SNED1: variants seen among roughly 807,000 people sequenced by gnomAD.
SNED1 encodes the protein sushi, nidogen and EGF like domains 1, also known as sushi, nidogen and EGF-like domain-containing protein 1.
Under a neutral mutation model 166.7 loss-of-function variants are expected in SNED1, and 81 were observed. That is an observed-to-expected ratio of 0.49 (90% CI 0.41 to 0.58). The LOEUF (loss-of-function observed/expected upper bound fraction) is 0.58. Ranked by LOEUF, SNED1 falls within the 20% of genes least tolerant of loss-of-function variation. SNED1 has a pLI of 0.00. For synonymous variants in SNED1, 762 were observed against 822.0 expected (o/e 0.93, Z 1.25); for missense variants, 1,604 against 2,000.2 (o/e 0.80, Z 3.78).
chr2:241,023,887 C>CTTTTTTTTTTTTTTTTTTTTT (rs2060846825), intron 1 of SNED1, among the ~76,000 whole-genome samples: 1 of 71,646 alleles, frequency 1.4e-5, no homozygotes, highest in Admixed American at 1.5e-4. Flanking sequence ...CTTTTTTTTT[C>CTTTTTTTTTTTTTTTTTTTTT]CTTTTTTTTT....
At chr2:241,087,357 C>G (rs2063636325) in intron 29 of SNED1, 35 bp from the exon 30 acceptor site, 3 of 1,560,490 alleles carry the variant, frequency 1.9e-6, no homozygotes, top group South Asian at 1.2e-5. Context: ...TTTTGCTTCA[C>G]TGTCTGGTTT....
chr2:241,040,142 G>GGT lies in SNED1; in HGVS notation c.1123_1124dup (p.Gln376AlafsTer23). On this transcript the variant is annotated frameshift_variant, in exon 7 of 32. Transcript: ENST00000310397. LOFTEE classifies it high-confidence loss of function. Reference sequence around the variant, plus strand: ...AGTGCCAGGTGGAGAATGGCTCTGCGGTGTGTGTGTGCCAGGCCGGATACA... The same window carrying GGT: ...AGTGCCAGGTGGAGAATGGCTCTGCGGTGTGTGTGTGTGCCAGGCCGGATACA... 3 of 1,598,308 alleles carry GGT rather than the reference G, an allele frequency of 1.9e-6. No homozygotes were observed. The highest frequency in any genetic ancestry group is 1.1e-5 in the South Asian group (1 of 88,548).
intron 6 of SNED1, among the ~76,000 whole-genome samples, chr2:241,038,379 G>C (rs73110162): frequency 1.2e-3 from 181 of 152,342 alleles, no homozygotes; most frequent in African/African-American, 4.0e-3. Flanking sequence ...GAGAGCTATA[G>C]TTGAATGGCA....
At chr2:241,050,008 GCTGT>G in intron 12 of SNED1, 75 bp downstream of exon 12, 2 of 1,062,638 alleles carry the variant, frequency 1.9e-6, no homozygotes, top group South Asian at 1.3e-5. Flanking sequence ...CTGCTTCTCT[GCTGT>G]CTCTCTCCTT....
chr2:241,086,301 A>G (rs1443688310), intron 29 of SNED1, among the ~76,000 whole-genome samples: 2 of 152,202 alleles, frequency 1.3e-5, no homozygotes, highest in Non-Finnish European at 2.9e-5. Context: ...ATTTCCAACC[A>G]CAGGCCCAAG....
In SNED1 at chr2:241,081,807, T is replaced by C; in HGVS notation, c.4033+14T>C. 1 of 1,553,342 alleles carries C rather than the reference T, an allele frequency of 6.4e-7. No homozygotes were observed. Among genetic ancestry groups the C allele is most frequent in the Non-Finnish European group, 8.7e-7 (1 of 1,144,072 alleles). On this transcript the variant is annotated intron_variant, in intron 28 of 31. Transcript: ENST00000310397. Reference sequence around the variant, plus strand: ...GCTGCGAGCTCGGTAAGTCGGGGCTTGGCCTCAGGGCGCCCCTTCCAACAC... The same window carrying C: ...GCTGCGAGCTCGGTAAGTCGGGGCTCGGCCTCAGGGCGCCCCTTCCAACAC...
In SNED1 at chr2:241,034,449, G is replaced by T; in HGVS notation, c.643-119G>T. Reference sequence around the variant, plus strand: ...TGGCTCCCAGGAACGGTTGGCTGAGGTCAGGACCTGGCTGGGAGGTTGCCG... The same window carrying T: ...TGGCTCCCAGGAACGGTTGGCTGAGTTCAGGACCTGGCTGGGAGGTTGCCG... On this transcript the variant is annotated intron_variant, in intron 3 of 31. Transcript: ENST00000310397. 1.0e-5 allele frequency: 10 copies of T among 967,618 alleles called. 1 individual carries two copies. The South Asian group carries it at 1.7e-4, about 17-fold the overall frequency. 59.9% of individuals were successfully genotyped at this position (967,618 alleles called of 1,614,324 possible). A position where few individuals can be genotyped will look rare whatever the true frequency, so the allele number is the denominator to read the frequency against.
rs1374617306 is a variant in SNED1 at position 241,093,293 on chromosome 2, T to C, written c.*1657T>C. 6.6e-6 allele frequency: 1 copy of C among 152,638 alleles called. No individual in the cohort carries two copies. The highest frequency in any genetic ancestry group is 1.5e-5 in the Non-Finnish European group (1 of 68,036). The allele number at this position is 152,638 out of a possible 1,614,324, so 9.5% of individuals were successfully genotyped here. A position where few individuals can be genotyped will look rare whatever the true frequency, so the allele number is the denominator to read the frequency against. On this transcript the variant is annotated 3_prime_UTR_variant, in exon 32 of 32. Coordinates refer to ENST00000310397, the MANE Select transcript of SNED1 (RefSeq NM_001080437.3). Reference sequence around the variant, plus strand: ...GGACTTCCTGCCGCCCTGGGACCTGTCACTGTTTGTCCATGTAAGCTACAG... The same window carrying C: ...GGACTTCCTGCCGCCCTGGGACCTGCCACTGTTTGTCCATGTAAGCTACAG...
chr2:241,082,476 C>A (rs2063376386), intron 29 of SNED1, 112 bp downstream of exon 29: 4 of 742,486 alleles, frequency 5.4e-6, no homozygotes. Flanking sequence ...TGGCTGCAGT[C>A]ACAGAAGGGA....
At chr2:241,037,568 G>T (rs1327556622) in intron 6 of SNED1, among the ~76,000 whole-genome samples, 1 of 152,200 alleles carries the variant, frequency 6.6e-6, no homozygotes, top group African/African-American at 2.4e-5. Context: ...AGTCACACAG[G>T]CTTCCTAGAC....
chr2:241,094,478 A>T lies in SNED1; in HGVS notation c.*2842A>T, dbSNP rs1559331908. ...TAGATTTCAGTGCTGAATCCCCACAATTGCATGCAGCTCACACCTACCAGG... is the reference window on the plus strand; with the variant it reads ...TAGATTTCAGTGCTGAATCCCCACATTTGCATGCAGCTCACACCTACCAGG... On this transcript the variant is annotated 3_prime_UTR_variant, in exon 32 of 32. Coordinates refer to ENST00000310397, the MANE Select transcript of SNED1 (RefSeq NM_001080437.3). The surrounding 1 kb of genome is among the most constrained non-coding windows in gnomAD (Gnocchi z 4.3). 2.2e-6 allele frequency: 1 copy of T among 463,110 alleles called. No individual in the cohort carries two copies. The highest frequency in any genetic ancestry group is 1.6e-5 in the South Asian group (1 of 63,188). The allele number at this position is 463,110 out of a possible 1,614,324, so 28.7% of individuals were successfully genotyped here. A position where few individuals can be genotyped will look rare whatever the true frequency, so the allele number is the denominator to read the frequency against.
chr2:241,070,952 G>A (rs1380462313), intron 24 of SNED1, among the ~76,000 whole-genome samples: 7 of 152,214 alleles, frequency 4.6e-5, no homozygotes, highest in African/African-American at 4.8e-5. Context: ...CTGGGGACAC[G>A]AAGTGCATAA....
intron 1 of SNED1, 121 bp from the exon 2 acceptor site, chr2:241,030,163 C>G: frequency 1.0e-6 from 1 of 953,482 alleles, no homozygotes; most frequent in East Asian, 2.6e-5. Context: ...CCTGGGGATA[C>G]CCTGCCCAGG....
intron 15 of SNED1, 66 bp downstream of exon 15, chr2:241,052,534 G>A (rs2061881098): frequency 8.0e-7 from 1 of 1,242,306 alleles, no homozygotes; most frequent in Non-Finnish European, 1.2e-6. Context: ...GAGATGGCCA[G>A]GGCCCAAGCA....
intron 16 of SNED1, among the ~76,000 whole-genome samples, chr2:241,056,580 A>ATTTTTTTTTTTTTTTTTT (rs1172411061): frequency 9.0e-6 from 1 of 111,224 alleles, no homozygotes; most frequent in African/African-American, 3.9e-5. Context: ...AATAAGTGAA[A>ATTTTTTTTTTTTTTTTTT]TTTTTTTTTT....
chr2:241,011,973 T>C (rs993310914), intron 1 of SNED1, among the ~76,000 whole-genome samples: 9 of 151,880 alleles, frequency 5.9e-5, no homozygotes, highest in African/African-American at 2.2e-4. Flanking sequence ...CTCTCTGGGG[T>C]GGGGAGAGAG....
intron 27 of SNED1, chr2:241,074,158 T>A (rs1210684513): frequency 6.6e-6 from 1 of 152,264 alleles, no homozygotes; most frequent in Non-Finnish European, 1.5e-5. Flanking sequence ...GGTAAAGGTG[T>A]GAGCTGCTGA....
Position 240,999,070 on chromosome 2 carries a change from GC to G in SNED1, c.213+21del. ...CTCTACGTGAGTAACCCCCGGGCTC[GC>G]GGGGCGCCCGGGAGGGGAGGGAGCT... On this transcript the variant is annotated intron_variant, in intron 1 of 31. Coordinates refer to ENST00000310397, the MANE Select transcript of SNED1 (RefSeq NM_001080437.3). This position sits in a 1 kb window ranked among gnomAD's most constrained non-coding sequence, Gnocchi z 5.8. The G allele has an allele frequency of 7.9e-7, 1 of 1,258,366 alleles. No individual in the cohort carries two copies. The highest frequency in any genetic ancestry group is 1.0e-6 in the Non-Finnish European group (1 of 994,346). 78.0% of individuals were successfully genotyped at this position (1,258,366 alleles called of 1,614,324 possible).
rs2061418948 is a variant in SNED1 at position 241,037,795 on chromosome 2, G to C, written c.1045+442G>C. Reference sequence around the variant, plus strand: ...CTGGCTGTGGGGCAGGAAGGGCACAGCCACACGGTCCCTGCCGCTCCCTGC... The same window carrying C: ...CTGGCTGTGGGGCAGGAAGGGCACACCCACACGGTCCCTGCCGCTCCCTGC... On this transcript the variant is annotated intron_variant, in intron 6 of 31. Transcript: ENST00000310397. Among the ~76,000 whole-genome samples the C allele has an allele frequency of 2.6e-5, 4 of 152,214 alleles. No homozygotes were observed. In the South Asian group the frequency reaches 8.3e-4, roughly 31 times the overall value.
Sources: allele counts gnomAD v4.1 joint callset (sites outside exome capture counted in the v4.1 genomes callset), GRCh38; gene constraint gnomAD v4.1.1; non-coding constraint Gnocchi (gnomAD v3.1); transcripts MANE v1.5; gene names NCBI Gene and HGNC (gene_info 2026-07-23, HGNC 2026-07-21).